Variants in SZRD1 observed in about 807,000 individuals in gnomAD.
SZRD1 encodes SUZ RNA binding domain containing 1.
SZRD1 carries 7 observed loss-of-function variants against 17.6 expected under a neutral mutation model. The ratio of observed to expected loss-of-function variants is 0.40; its 90% CI spans 0.23 to 0.75. The LOEUF (loss-of-function observed/expected upper bound fraction) is 0.75. SZRD1 is among the 30% of genes least tolerant of loss of function. SZRD1 has a pLI of 0.38. For missense variants in SZRD1, 178 were observed against 201.8 expected (o/e 0.88, Z 0.71); for synonymous variants, 77 against 77.9 (o/e 0.99, Z 0.06).
At chr1:16,374,784 G>C (rs1191929331) in intron 1 of SZRD1, among the ~76,000 whole-genome samples, 1 of 152,164 alleles carries the variant, frequency 6.6e-6, no homozygotes, top group Non-Finnish European at 1.5e-5. Flanking sequence ...GGAGAAGGTT[G>C]AGTTTAGCTA....
At chr1:16,389,279 G>T (rs148439586) in intron 1 of SZRD1, among the ~76,000 whole-genome samples, 3,592 of 139,542 alleles carry the variant, frequency 0.026, 205 homozygotes, top group African/African-American at 0.089. Flanking sequence ...GGGGGGGTGG[G>T]GGGGGGGCAG....
chr1:16,384,743 TCTC>T (rs1178306927), intron 1 of SZRD1, among the ~76,000 whole-genome samples: 2 of 152,176 alleles, frequency 1.3e-5, no homozygotes, highest in Admixed American at 1.3e-4. Context: ...CCTTATTTCT[TCTC>T]TTTGCTTTTT....
At chr1:16,389,423 C>G (rs991496758) in intron 1 of SZRD1, among the ~76,000 whole-genome samples, 4 of 151,944 alleles carry the variant, frequency 2.6e-5, no homozygotes, top group African/African-American at 9.7e-5. Flanking sequence ...CTGCCTCAGC[C>G]TTCTGAGTAG....
rs1259500887 is a variant in SZRD1, at chr1:16,377,376, A to G, written c.51+10068A>G. On this transcript the variant is annotated intron_variant, in intron 1 of 3. Coordinates refer to ENST00000401088, the MANE Select transcript of SZRD1 (RefSeq NM_001114600.3). ...GGCGGGTGGATTGCCTGAGGTCAAG[A>G]GTTCAAGACCAGTCTGGCCAACATG... 3.3e-5 allele frequency among the ~76,000 whole-genome samples: 5 copies of G among 152,254 alleles called. 1 individual carries two copies. The highest frequency in any genetic ancestry group is 3.3e-4 in the Admixed American group (5 of 15,276).
chr1:16,376,525 G>C (rs942226462), intron 1 of SZRD1, among the ~76,000 whole-genome samples: 9 of 152,142 alleles, frequency 5.9e-5, no homozygotes, highest in African/African-American at 2.2e-4. Context: ...TAATTATTGG[G>C]CAGGGCGCAT....
At position 16,387,413 on chromosome 1, in the gene SZRD1, C is replaced by T. The variant is rs1039183294; in HGVS notation, c.52-3962C>T. 12 of 447,978 alleles carry T rather than the reference C, an allele frequency of 2.7e-5. No homozygotes were observed. In the East Asian group the frequency reaches 8.4e-4, roughly 31 times the overall value. The allele number at this position is 447,978 out of a possible 1,614,324, so 27.8% of individuals were successfully genotyped here. A position where few individuals can be genotyped will look rare whatever the true frequency, so the allele number is the denominator to read the frequency against. On this transcript the variant is annotated intron_variant, in intron 1 of 3. Transcript: ENST00000401088. ...CTCTCTCTGTCTTATTTGGCTCTCG[C>T]AGCGATATGAAAGTGAAAGTTCACA...
rs1387169233 is a variant in SZRD1 at position 16,393,384 on chromosome 1, G to A, written c.258G>A (p.Lys86=). ...CCAGCAGGCCCACCCTTCCAGTCAAGTCCCTAGCACAGCGAGAGGCCGAGT... is the reference window on the plus strand; with the variant it reads ...CCAGCAGGCCCACCCTTCCAGTCAAATCCCTAGCACAGCGAGAGGCCGAGT... ...NSTSRPTLPV[K]SLAQREAEYA... Residue 86 remains lysine, a synonymous_variant, in exon 3 of 4, where the codon AAG becomes AAA. Coordinates refer to ENST00000401088, the MANE Select transcript of SZRD1 (RefSeq NM_001114600.3). This position sits in a 1 kb window ranked among gnomAD's most constrained non-coding sequence, Gnocchi z 5.6. 3 of 1,614,220 alleles carry A rather than the reference G, an allele frequency of 1.9e-6. No homozygotes were observed. In the Admixed American group the frequency reaches 5.0e-5, roughly 27 times the overall value.
chr1:16,376,110 G>T (rs1377245739), intron 1 of SZRD1, among the ~76,000 whole-genome samples: 4 of 152,230 alleles, frequency 2.6e-5, no homozygotes, highest in Non-Finnish European at 5.9e-5. Context: ...CTTGTGAGGT[G>T]TAGGTGCTAT....
intron 1 of SZRD1, among the ~76,000 whole-genome samples, chr1:16,381,400 C>CA (rs144775618): frequency 0.089 from 12,336 of 139,094 alleles, 689 homozygotes; most frequent in Non-Finnish European, 0.13. Context: ...TGTAGAAATA[C>CA]AAAAAAATTA....
chr1:16,377,141 C>A (rs1423484639), intron 1 of SZRD1, among the ~76,000 whole-genome samples: 1 of 152,152 alleles, frequency 6.6e-6, no homozygotes, highest in Non-Finnish European at 1.5e-5. Context: ...TTTGCCACCC[C>A]TGCTGAGTGC....
At chr1:16,380,743 C>T (rs2100718594) in intron 1 of SZRD1, among the ~76,000 whole-genome samples, 1 of 152,234 alleles carries the variant, frequency 6.6e-6, no homozygotes, top group East Asian at 1.9e-4. Context: ...GCTGGGATTA[C>T]AGACGTGAGC....
intron 3 of SZRD1, among the ~76,000 whole-genome samples, chr1:16,394,095 T>G (rs566291605): frequency 3.9e-5 from 6 of 152,218 alleles, no homozygotes; most frequent in Admixed American, 6.5e-5. Context: ...CACTTTCGAA[T>G]CAAACAGTAT....
intron 3 of SZRD1, 22 bp from the exon 4 acceptor site, chr1:16,395,016 C>G (rs2085286529): frequency 1.4e-6 from 2 of 1,417,810 alleles, no homozygotes; most frequent in Non-Finnish European, 2.0e-6. Context: ...TTCAGGCCTT[C>G]CTCTGCTTTT....
rs1227974960 is a variant in SZRD1, at chr1:16,391,683, G to C, written c.101+259G>C. On this transcript the variant is annotated intron_variant, in intron 2 of 3. Transcript: ENST00000401088. This position sits in a 1 kb window ranked among gnomAD's most constrained non-coding sequence, Gnocchi z 4.3. ...CTGATGCAATGTGAGGAAGTGACAA[G>C]TTGGAAGACTTGAGTTTTAGGCCTG... Among the ~76,000 whole-genome samples the C allele has an allele frequency of 6.6e-6, 1 of 152,142 alleles. No individual in the cohort carries two copies. The highest frequency in any genetic ancestry group is 2.4e-5 in the African/African-American group (1 of 41,434).
chr1:16,395,043 C>G lies in SZRD1; in HGVS notation c.362C>G (p.Thr121Ser). Residue 121 changes from threonine to serine, a missense_variant, in exon 4 of 4, where the codon ACC becomes AGC. Transcript: ENST00000401088. ...EQEKPILDRP[T>S]RISQPEDSRQ... ...TCTGCTTTTCTTCCTTTCAGGCCAA[C>G]CAGGATCTCCCAACCCGAAGACAGC... 2 of 1,607,678 alleles carry G rather than the reference C, an allele frequency of 1.2e-6. No homozygotes were observed. The highest frequency in any genetic ancestry group is 4.5e-5 in the East Asian group (2 of 44,802).
chr1:16,369,946 C>CA (rs372166643), intron 1 of SZRD1, among the ~76,000 whole-genome samples: 170 of 150,538 alleles, frequency 1.1e-3, no homozygotes, highest in African/African-American at 4.0e-3. Flanking sequence ...GCCTTATTGA[C>CA]ATCATGAACA....
intron 1 of SZRD1, among the ~76,000 whole-genome samples, chr1:16,372,110 T>C (rs1291504827): frequency 6.6e-6 from 1 of 152,200 alleles, no homozygotes; most frequent in Non-Finnish European, 1.5e-5. Context: ...TGGCAAACAC[T>C]TTTTTCTTTT....
chr1:16,378,158 G>A (rs56255757), intron 1 of SZRD1, among the ~76,000 whole-genome samples: 20,950 of 152,030 alleles, frequency 0.14, 1,723 homozygotes, highest in African/African-American at 0.22. Context: ...GACCCTTTGA[G>A]GAGGCACTCA....
At chr1:16,369,250 T>C in intron 1 of SZRD1, 1 of 573,572 alleles carries the variant, frequency 1.7e-6, no homozygotes, top group South Asian at 2.5e-5. Context: ...ATCACGTAAA[T>C]TATTCTTCAT....
Sources: allele counts gnomAD v4.1 joint callset (sites outside exome capture counted in the v4.1 genomes callset), GRCh38; gene constraint gnomAD v4.1.1; non-coding constraint Gnocchi (gnomAD v3.1); transcripts MANE v1.5; gene names NCBI Gene and HGNC (gene_info 2026-07-23, HGNC 2026-07-21).